OR51A7: variants seen among roughly 807,000 people sequenced by gnomAD.
The protein encoded by OR51A7 is olfactory receptor family 51 subfamily A member 7.
For missense variants in OR51A7, 409 were observed against 374.5 expected (o/e 1.09, Z -0.76); for synonymous variants, 143 against 135.5 (o/e 1.05, Z -0.38).
Position 4,907,761 on chromosome 11 carries a change from G to T in OR51A7, c.392G>T (p.Arg131Ile), listed in dbSNP as rs1299266524. 2 of 1,614,012 alleles carry T rather than the reference G, an allele frequency of 1.2e-6. No homozygotes were observed. Among genetic ancestry groups the T allele is most frequent in the Non-Finnish European group, 1.7e-6 (2 of 1,180,010 alleles). ...TTTCTTGCCATTCACAATCCCTTAAGATACAGTTCTATCCTCACTAGCAAC... is the reference window on the plus strand; with the variant it reads ...TTTCTTGCCATTCACAATCCCTTAATATACAGTTCTATCCTCACTAGCAAC... ...DRFLAIHNPL[R>I]YSSILTSNRV... Residue 131 changes from arginine to isoleucine, a missense_variant, in exon 2 of 2, where the codon AGA becomes ATA. Transcript: ENST00000641490.
In OR51A7 at chr11:4,908,114, A is replaced by G. The variant is rs774432821; in HGVS notation, c.745A>G (p.Thr249Ala). ...TGTCTCCCACATCTGTGCTGTGCTC[A>G]CCTTCTATGTGCCCATCATCACCCT... ...TCVSHICAVLTFYVPIITLAA... is the reference protein window; with the variant it reads ...TCVSHICAVLAFYVPIITLAA... Residue 249 changes from threonine to alanine, a missense_variant, in exon 2 of 2, where the codon ACC becomes GCC. Thr to Ala is a moderately conservative substitution (Grantham distance 58). Coordinates refer to ENST00000641490, the MANE Select transcript of OR51A7 (RefSeq NM_001004749.2). 5.0e-6 allele frequency: 8 copies of G among 1,614,014 alleles called. No individual in the cohort carries two copies. The Admixed American group carries it at 1.3e-4, about 27-fold the overall frequency.
In OR51A7 at chr11:4,907,829, C is replaced by A. The variant is rs376236015; in HGVS notation, c.460C>A (p.Leu154Ile). 1.2e-6 allele frequency: 2 copies of A among 1,613,750 alleles called. No individual in the cohort carries two copies. The highest frequency in any genetic ancestry group is 1.1e-5 in the South Asian group (1 of 91,060). ...ACTTATTTTAGCCATTAGGAGCATT[C>A]TCTTAGTGATTCCATTTCCCTTCAC... ...MGLILAIRSI[L>I]LVIPFPFTLR... The change falls in exon 2 of 2, where the codon CTC becomes ATC. Residue 154 changes from leucine to isoleucine, a missense_variant. Physicochemically the swap from Leu to Ile is conservative, Grantham distance 5. Transcript: ENST00000641490.
At chr11:4,906,756 G>C (rs1850896177) in intron 1 of OR51A7, among the ~76,000 whole-genome samples, 1 of 152,034 alleles carries the variant, frequency 6.6e-6, no homozygotes, top group Non-Finnish European at 1.5e-5. Context: ...CTGATTCAAA[G>C]CAGCTCCATT....
rs1204527591 is a variant in OR51A7, at chr11:4,908,909, G to T, written c.*601G>T. On this transcript the variant is annotated 3_prime_UTR_variant, in exon 2 of 2. Coordinates refer to ENST00000641490, the MANE Select transcript of OR51A7 (RefSeq NM_001004749.2). ...AACATGGATTGAATTTGGGAGAGAT[G>T]AGGAAGGAAGATTAACAGGAGAAAG... 1 of 156,038 alleles carries T rather than the reference G, an allele frequency of 6.4e-6. No individual in the cohort carries two copies. The highest frequency in any genetic ancestry group is 2.4e-5 in the African/African-American group (1 of 41,436). The allele number at this position is 156,038 out of a possible 1,614,324, so 9.7% of individuals were successfully genotyped here.
rs771515357 is a variant in OR51A7 at position 4,908,021 on chromosome 11, G to T, written c.652G>T (p.Val218Leu). 1 of 1,614,028 alleles carries T rather than the reference G, an allele frequency of 6.2e-7. No individual in the cohort carries two copies. Among genetic ancestry groups the T allele is most frequent in the African/African-American group, 1.3e-5 (1 of 74,910 alleles). The change falls in exon 2 of 2, where the codon GTG becomes TTG. Residue 218 changes from valine to leucine, a missense_variant. Transcript: ENST00000641490. Reference protein sequence around the residue: ...LDLALIVLSYVLILKTILSIA... With the variant: ...LDLALIVLSYLLILKTILSIA... The stretch of plus-strand genomic sequence containing the variant: ...CTTGGCACTGATTGTTTTGTCTTAT[G>T]TGCTGATCTTGAAGACTATACTCAG...
In OR51A7 at chr11:4,908,271, A is replaced by C. The variant is rs755468464; in HGVS notation, c.902A>C (p.Lys301Thr). ...YCVKTRQIWE[K>T]ILGKLLNVCG... ...GTAAAGACTCGACAAATCTGGGAGA[A>C]GATCTTGGGGAAGTTGCTTAATGTA... Residue 301 changes from lysine to threonine, a missense_variant, in exon 2 of 2, where the codon AAG becomes ACG. Coordinates refer to ENST00000641490, the MANE Select transcript of OR51A7 (RefSeq NM_001004749.2). 1 of 1,614,138 alleles carries C rather than the reference A, an allele frequency of 6.2e-7. No homozygotes were observed. Among genetic ancestry groups the C allele is most frequent in the Non-Finnish European group, 8.5e-7 (1 of 1,180,016 alleles).
chr11:4,908,626 G>A lies in OR51A7; in HGVS notation c.*318G>A, dbSNP rs1850944473. The A allele has an allele frequency of 5.2e-6, 2 of 385,060 alleles. No individual in the cohort carries two copies. Among genetic ancestry groups the A allele is most frequent in the Non-Finnish European group, 9.7e-6 (2 of 206,132 alleles). The allele number at this position is 385,060 out of a possible 1,614,324, so 23.9% of individuals were successfully genotyped here. A position where few individuals can be genotyped will look rare whatever the true frequency, so the allele number is the denominator to read the frequency against. ...GCAGATTGAGATTACCATTCAGTTAGTATCTATTAAAAATACAGATGATAT... is the reference window on the plus strand; with the variant it reads ...GCAGATTGAGATTACCATTCAGTTAATATCTATTAAAAATACAGATGATAT... On this transcript the variant is annotated 3_prime_UTR_variant, in exon 2 of 2. Transcript: ENST00000641490.
intron 1 of OR51A7, among the ~76,000 whole-genome samples, chr11:4,904,266 C>T (rs891870506): frequency 6.6e-5 from 10 of 152,028 alleles, no homozygotes; most frequent in African/African-American, 2.2e-4. Flanking sequence ...AGCAGCTTTC[C>T]CAGATTCACA....
At position 4,907,673 on chromosome 11, in the gene OR51A7, T is replaced by A; in HGVS notation, c.304T>A (p.Phe102Ile). The change falls in exon 2 of 2, where the codon TTC becomes ATC. Residue 102 changes from phenylalanine to isoleucine, a missense_variant. By Grantham distance (21) the Phe-to-Ile change is conservative (BLOSUM62 0). Coordinates refer to ENST00000641490, the MANE Select transcript of OR51A7 (RefSeq NM_001004749.2). The stretch of plus-strand genomic sequence containing the variant: ...ACCTAATGCCTGCTTTGCTCAAGAA[T>A]TCTTCATTCATGGATTCACTGTCAT... ...ISPNACFAQE[F>I]FIHGFTVMES... 3.1e-6 allele frequency: 5 copies of A among 1,614,100 alleles called. No homozygotes were observed. Among genetic ancestry groups the A allele is most frequent in the Non-Finnish European group, 4.2e-6 (5 of 1,179,980 alleles).
intron 1 of OR51A7, 113 bp from the exon 2 acceptor site, chr11:4,907,226 A>G (rs12421906): frequency 0.093 from 54,556 of 588,626 alleles, 3,098 homozygotes; most frequent in Non-Finnish European, 0.12. Flanking sequence ...TGAAGAGTGC[A>G]GTTGATTAGC....
Position 4,908,201 on chromosome 11 carries a change from A to T in OR51A7, c.832A>T (p.Met278Leu). The T allele has an allele frequency of 1.2e-6, 2 of 1,614,158 alleles. No individual in the cohort carries two copies. The highest frequency in any genetic ancestry group is 2.2e-5 in the East Asian group (1 of 44,870). Residue 278 changes from methionine (M) to leucine (L), a missense_variant, in exon 2 of 2, where the codon ATG becomes TTG. Met to Leu is a conservative substitution (Grantham distance 15). Coordinates refer to ENST00000641490, the MANE Select transcript of OR51A7 (RefSeq NM_001004749.2). ...SPLVVILIAD[M>L]FLLVPPLMNP... ...TCTTGTTGTGATCCTTATTGCAGATATGTTCTTGTTGGTGCCGCCCCTTAT... is the reference window on the plus strand; with the variant it reads ...TCTTGTTGTGATCCTTATTGCAGATTTGTTCTTGTTGGTGCCGCCCCTTAT...
Position 4,903,861 on chromosome 11 carries a change from A to G in OR51A7, c.-32+17A>G, listed in dbSNP as rs184914857. ...AAATCTAAGGTTTGTTAAACTGCTTATATCTGAATACATGTCTATGGGGAG... is the reference window on the plus strand; with the variant it reads ...AAATCTAAGGTTTGTTAAACTGCTTGTATCTGAATACATGTCTATGGGGAG... On this transcript the variant is annotated intron_variant, in intron 1 of 1. Coordinates refer to ENST00000641490, the MANE Select transcript of OR51A7 (RefSeq NM_001004749.2). 3.0e-4 allele frequency: 46 copies of G among 152,224 alleles called. No individual in the cohort carries two copies. Among genetic ancestry groups the G allele is most frequent in the African/African-American group, 1.1e-3 (45 of 41,574 alleles). The allele number at this position is 152,224 out of a possible 1,614,324, so 9.4% of individuals were successfully genotyped here.
At chr11:4,907,095 T>TAAAAAAAAAAA (rs3065178) in intron 1 of OR51A7, among the ~76,000 whole-genome samples, 1,892 of 54,950 alleles carry the variant, frequency 0.034, 221 homozygotes, top group Non-Finnish European at 0.053. Flanking sequence ...AAACTCCCTC[T>TAAAAAAAAAAA]AAAAAAAAAA....
At chr11:4,904,026 A>T (rs1416177770) in intron 1 of OR51A7, among the ~76,000 whole-genome samples, 182 bp downstream of exon 1, 1 of 152,122 alleles carries the variant, frequency 6.6e-6, no homozygotes, top group East Asian at 1.9e-4. Context: ...TAATAATATG[A>T]CAAATAAAAG....
At chr11:4,905,738 A>G (rs1850877359) in intron 1 of OR51A7, among the ~76,000 whole-genome samples, 1 of 152,162 alleles carries the variant, frequency 6.6e-6, no homozygotes, top group South Asian at 2.1e-4. Context: ...TGATTGTCTT[A>G]GAGATTTGTG....
Position 4,907,530 on chromosome 11 carries a change from C to T in OR51A7, c.161C>T (p.Ser54Leu), listed in dbSNP as rs753338342. ...CTCTTTATTATAAAGACAGAGCCCT[C>T]GCTTCATGAGCCCATGTATTATTTC... ...TILFIIKTEP[S>L]LHEPMYYFLA... The change falls in exon 2 of 2, where the codon TCG (serine) becomes TTG (leucine). Residue 54 changes from serine to leucine, a missense_variant. Coordinates refer to ENST00000641490, the MANE Select transcript of OR51A7 (RefSeq NM_001004749.2). 40 of 1,613,948 alleles carry T rather than the reference C, an allele frequency of 2.5e-5. No homozygotes were observed. The highest frequency in any genetic ancestry group is 3.3e-5 in the Admixed American group (2 of 59,988).
chr11:4,909,296 G>C lies in OR51A7; in HGVS notation c.*988G>C, dbSNP rs1850954716. ...GATGGAAAAATCAAAAGAGTATACAGTTGAAAATACAATTTGAAGGGGGGC... is the reference window on the plus strand; with the variant it reads ...GATGGAAAAATCAAAAGAGTATACACTTGAAAATACAATTTGAAGGGGGGC... On this transcript the variant is annotated 3_prime_UTR_variant, in exon 2 of 2. Coordinates refer to ENST00000641490, the MANE Select transcript of OR51A7 (RefSeq NM_001004749.2). The C allele has an allele frequency of 6.6e-6, 1 of 152,078 alleles. No individual in the cohort carries two copies. The highest frequency in any genetic ancestry group is 2.4e-5 in the African/African-American group (1 of 41,416). 9.4% of individuals were successfully genotyped at this position (152,078 alleles called of 1,614,324 possible).
At chr11:4,904,831 T>G (rs906573489) in intron 1 of OR51A7, among the ~76,000 whole-genome samples, 1 of 152,154 alleles carries the variant, frequency 6.6e-6, no homozygotes, top group African/African-American at 2.4e-5. Context: ...ATTCTTTACA[T>G]ATTTGCTGAG....
In OR51A7 at chr11:4,908,352, T is replaced by C; in HGVS notation, c.*44T>C. ...AATAAATTATCAACCAGTAGGCATTTACTGTCATTTGCTATGTGCTTAATG... is the reference window on the plus strand; with the variant it reads ...AATAAATTATCAACCAGTAGGCATTCACTGTCATTTGCTATGTGCTTAATG... On this transcript the variant is annotated 3_prime_UTR_variant, in exon 2 of 2. Transcript: ENST00000641490. 1 of 1,515,710 alleles carries C rather than the reference T, an allele frequency of 6.6e-7. No homozygotes were observed. The highest frequency in any genetic ancestry group is 1.7e-5 in the Admixed American group (1 of 59,758). The allele number at this position is 1,515,710 out of a possible 1,614,324, so 93.9% of individuals were successfully genotyped here.
Sources: allele counts gnomAD v4.1 joint callset (sites outside exome capture counted in the v4.1 genomes callset), GRCh38; gene constraint gnomAD v4.1.1; transcripts MANE v1.5; gene names NCBI Gene and HGNC (gene_info 2026-07-23, HGNC 2026-07-21).